ACAD9: variants seen among roughly 807,000 people sequenced by gnomAD.
ACAD9 encodes complex I assembly factor ACAD9, mitochondrial.
In ACAD9, 53 loss-of-function variants were observed where a neutral mutation model predicts 70.2. That is an observed-to-expected ratio of 0.75 (90% CI 0.61 to 0.95). ACAD9 has a LOEUF of 0.95. Among genes scored for constraint, ACAD9 ranks in the 40% least tolerant of loss-of-function variants. The probability of loss-of-function intolerance (pLI) is 0.00; values close to 1 mark genes in which losing one functional copy is unlikely to be tolerated. For synonymous variants in ACAD9, 313 were observed against 312.1 expected, an observed-to-expected ratio of 1.00 and a Z score of -0.03; for missense variants, 777 against 802.8, an observed-to-expected ratio of 0.97 and a Z score of 0.39.
chr3:128,890,558 C>A (rs996146805), intron 2 of ACAD9, among the ~76,000 whole-genome samples: 24 of 151,578 alleles, frequency 1.6e-4, no homozygotes, highest in Admixed American at 8.5e-4. Context: ...AAAAATTAGC[C>A]GGGCGTGGTG....
rs1434336694 is a variant in ACAD9 at position 128,910,784 on chromosome 3, A to ATCTC, written c.1738_1741dup (p.Phe581SerfsTer17). The ATCTC allele has an allele frequency of 6.2e-7, 1 of 1,614,096 alleles. No individual in the cohort carries two copies. Among genetic ancestry groups the ATCTC allele is most frequent in the South Asian group, 1.1e-5 (1 of 91,068 alleles). On this transcript the variant is annotated frameshift_variant, in exon 17 of 18. Coordinates refer to ENST00000308982, the MANE Select transcript of ACAD9 (RefSeq NM_014049.5). LOFTEE classifies it high-confidence loss of function. ...TTCTGCGTGGAAGCTTACTTGCAGA[A>ATCTC]TCTCTTCAGCCTCTCTCAGCTGGAC... is the stretch of plus-strand genomic sequence containing the variant.
intron 5 of ACAD9, 46 bp from the exon 6 acceptor site, chr3:128,897,585 AT>A: frequency 1.3e-6 from 2 of 1,569,544 alleles, no homozygotes; most frequent in Non-Finnish European, 1.7e-6. Flanking sequence ...AAGCATTCAT[AT>A]TTATTCCCAG....
In ACAD9 at chr3:128,896,555, C is replaced by T. The variant is rs547478517; in HGVS notation, c.554+19C>T. 35 of 1,612,902 alleles carry T rather than the reference C, an allele frequency of 2.2e-5. No individual in the cohort carries two copies. Among genetic ancestry groups the T allele is most frequent in the African/African-American group, 1.2e-4 (9 of 75,022 alleles). ...CAGCCAGGTCTGTCTCTGCACAAAA[C>T]GTTATCCCTCAGCAGCTGTGATGTT... On this transcript the variant is annotated intron_variant, in intron 5 of 17. Transcript: ENST00000308982.
At position 128,899,346 on chromosome 3, in the gene ACAD9, C is replaced by G. The variant is rs778831368; in HGVS notation, c.693C>G (p.Val231=). The change falls in exon 7 of 18, where the codon GTC becomes GTG. Residue 231 remains valine, a synonymous_variant. Coordinates refer to ENST00000308982, the MANE Select transcript of ACAD9 (RefSeq NM_014049.5). The part of the protein sequence containing the change: ...NIFTVFAKTE[V]VDSDGSVKDK... ...TTACTGTGTTTGCAAAGACTGAGGTCGTTGATTCTGATGGATCAGTGAAAG... is the reference window on the plus strand; with the variant it reads ...TTACTGTGTTTGCAAAGACTGAGGTGGTTGATTCTGATGGATCAGTGAAAG... 2 of 1,614,068 alleles carry G rather than the reference C, an allele frequency of 1.2e-6. No individual in the cohort carries two copies. The highest frequency in any genetic ancestry group is 2.7e-5 in the African/African-American group (2 of 74,926).
In ACAD9 at chr3:128,908,990, A is replaced by G; in HGVS notation, c.1376A>G (p.Lys459Arg). ...TTCTGCAGTGAGCTTAAACAGGCCAAAGTGAGCACAGTCATGGATACCGTT... is the reference window on the plus strand; with the variant it reads ...TTCTGCAGTGAGCTTAAACAGGCCAGAGTGAGCACAGTCATGGATACCGTT... The part of the protein sequence containing the change: ...TTRIHELKQA[K>R]VSTVMDTVGR... The change falls in exon 14 of 18, where the codon AAA becomes AGA. Residue 459 changes from lysine (K) to arginine (R), a missense_variant. Coordinates refer to ENST00000308982, the MANE Select transcript of ACAD9 (RefSeq NM_014049.5). 1.9e-6 allele frequency: 3 copies of G among 1,614,150 alleles called. No homozygotes were observed. The highest frequency in any genetic ancestry group is 1.7e-6 in the Non-Finnish European group (2 of 1,180,016).
chr3:128,879,806 T>G lies in ACAD9; in HGVS notation c.115T>G (p.Phe39Val). Residue 39 changes from phenylalanine to valine, a missense_variant, in exon 1 of 18, where the codon TTC becomes GTC. Physicochemically the swap from Phe to Val is conservative, Grantham distance 50. Coordinates refer to ENST00000308982, the MANE Select transcript of ACAD9 (RefSeq NM_014049.5). Reference protein sequence around the residue: ...LLRTSPPVRAFAKELFLGKIK... With the variant: ...LLRTSPPVRAVAKELFLGKIK... ...GCGCACCAGCCCGCCTGTACGAGCT[T>G]TCGCCAAAGAGCTTTTCCTAGGCAA... 1 of 1,614,086 alleles carries G rather than the reference T, an allele frequency of 6.2e-7. No homozygotes were observed.
intron 11 of ACAD9, among the ~76,000 whole-genome samples, chr3:128,904,893 C>G (rs1201153458): frequency 6.6e-6 from 1 of 152,114 alleles, no homozygotes; most frequent in Non-Finnish European, 1.5e-5. Context: ...ACCTGTAATC[C>G]CAGCACTTTG....
intron 1 of ACAD9, among the ~76,000 whole-genome samples, chr3:128,882,581 T>C (rs917436472): frequency 1.2e-4 from 19 of 152,112 alleles, no homozygotes; most frequent in African/African-American, 4.6e-4. Flanking sequence ...GTTGTCACCC[T>C]GCCCTAAGCT....
At chr3:128,889,967 A>G (rs948546753) in intron 2 of ACAD9, among the ~76,000 whole-genome samples, 1 of 151,938 alleles carries the variant, frequency 6.6e-6, no homozygotes, top group Non-Finnish European at 1.5e-5. Flanking sequence ...GACTACAGGC[A>G]CACGCTACCA....
rs771856871 is a variant in ACAD9 at position 128,912,988 on chromosome 3, A to G, written c.*381A>G. On this transcript the variant is annotated 3_prime_UTR_variant, in exon 18 of 18. Transcript: ENST00000308982. ...GATAGCCATTTCTGCTCAACCACAC[A>G]TTCTCTAAGAAACAGCTTGAAAGCT... 11 of 466,630 alleles carry G rather than the reference A, an allele frequency of 2.4e-5. No individual in the cohort carries two copies. Among genetic ancestry groups the G allele is most frequent in the South Asian group, 1.7e-4 (11 of 64,772 alleles). 28.9% of individuals were successfully genotyped at this position (466,630 alleles called of 1,614,324 possible).
chr3:128,912,805 C>CCAT lies in ACAD9; in HGVS notation c.*201_*203dup. 2.8e-6 allele frequency: 2 copies of CCAT among 726,828 alleles called. No homozygotes were observed. The highest frequency in any genetic ancestry group is 3.4e-5 in the African/African-American group (2 of 58,230). The allele number at this position is 726,828 out of a possible 1,614,324, so 45.0% of individuals were successfully genotyped here. A position where few individuals can be genotyped will look rare whatever the true frequency, so the allele number is the denominator to read the frequency against. On this transcript the variant is annotated 3_prime_UTR_variant, in exon 18 of 18. Coordinates refer to ENST00000308982, the MANE Select transcript of ACAD9 (RefSeq NM_014049.5). The stretch of plus-strand genomic sequence containing the variant: ...CTGCAGGCAGTGCTCTCTAACAGGA[C>CCAT]CATCACAGCTTCTGAACTGAGCCGG...
chr3:128,910,327 T>C lies in ACAD9; in HGVS notation c.1692+178T>C, dbSNP rs1461455944. On this transcript the variant is annotated intron_variant, in intron 16 of 17. Transcript: ENST00000308982. ...GGAGATGGGGCTGTTCCCTTTCTTC[T>C]TCCTGACTGAGAGAAGAGGGGGTGA... 1.1e-5 allele frequency: 16 copies of C among 1,474,882 alleles called. No individual in the cohort carries two copies. The Admixed American group carries it at 3.7e-4, about 34-fold the overall frequency. 91.4% of individuals were successfully genotyped at this position (1,474,882 alleles called of 1,614,324 possible). A position where few individuals can be genotyped will look rare whatever the true frequency, so the allele number is the denominator to read the frequency against.
intron 1 of ACAD9, among the ~76,000 whole-genome samples, chr3:128,881,925 A>T (rs1935107110): frequency 6.6e-6 from 1 of 152,106 alleles, no homozygotes; most frequent in East Asian, 1.9e-4. Flanking sequence ...CTGCTGGGTG[A>T]CCTTATTTAG....
At position 128,912,655 on chromosome 3, in the gene ACAD9, G is replaced by A. The variant is rs773362534; in HGVS notation, c.*48G>A. 1.2e-5 allele frequency: 17 copies of A among 1,454,662 alleles called. No individual in the cohort carries two copies. The highest frequency in any genetic ancestry group is 1.5e-5 in the Non-Finnish European group (16 of 1,034,798). The allele number at this position is 1,454,662 out of a possible 1,614,324, so 90.1% of individuals were successfully genotyped here. The stretch of plus-strand genomic sequence containing the variant: ...TACCGCCCGCCCCTACCCATGGCCC[G>A]TTGCTGGATGACTGTTACTCTTTTT... On this transcript the variant is annotated 3_prime_UTR_variant, in exon 18 of 18. Transcript: ENST00000308982.
chr3:128,887,012 A>C (rs530846597), intron 2 of ACAD9, among the ~76,000 whole-genome samples: 5 of 151,852 alleles, frequency 3.3e-5, no homozygotes, highest in Admixed American at 1.3e-4. Flanking sequence ...GCTCACTGCA[A>C]CCTCTGCAGT....
At chr3:128,891,157 A>G (rs13062141) in intron 2 of ACAD9, among the ~76,000 whole-genome samples, 2 of 152,080 alleles carry the variant, frequency 1.3e-5, no homozygotes, top group Non-Finnish European at 2.9e-5. Context: ...TTAAAATAGG[A>G]AAAAAGGATC....
At chr3:128,897,150 C>T (rs1377156730) in intron 5 of ACAD9, among the ~76,000 whole-genome samples, 1 of 152,146 alleles carries the variant, frequency 6.6e-6, no homozygotes, top group Non-Finnish European at 1.5e-5. Context: ...AAGCAGAGGT[C>T]GGCTAAATCC....
chr3:128,887,209 G>A (rs1935275817), intron 2 of ACAD9, among the ~76,000 whole-genome samples: 2 of 152,092 alleles, frequency 1.3e-5, no homozygotes, highest in South Asian at 4.1e-4. Flanking sequence ...GTCAGCCACC[G>A]CACCTGTCCT....
chr3:128,903,974 T>G, intron 9 of ACAD9, 88 bp from the exon 10 acceptor site: 3 of 1,390,030 alleles, frequency 2.2e-6, no homozygotes, highest in Non-Finnish European at 3.0e-6. Flanking sequence ...TGCCCACCTG[T>G]GGGAAGGGTA....
Sources: allele counts gnomAD v4.1 joint callset (sites outside exome capture counted in the v4.1 genomes callset), GRCh38; gene constraint gnomAD v4.1.1; transcripts MANE v1.5; gene names NCBI Gene and HGNC (gene_info 2026-07-23, HGNC 2026-07-21).